Variants in CLIP1 observed in about 807,000 individuals in gnomAD.
The protein encoded by CLIP1 is CAP-Gly domain-containing linker protein 1.
A neutral mutation model predicts 161.6 loss-of-function variants in CLIP1; 66 were observed. The ratio of observed to expected loss-of-function variants is 0.41; its 90% CI spans 0.33 to 0.50. The LOEUF is 0.50. Among genes scored for constraint, CLIP1 ranks in the 20% least tolerant of loss-of-function variants. CLIP1 has a pLI of 0.27. For missense variants in CLIP1, 1,376 were observed against 1,702.0 expected (o/e 0.81, Z 3.37); for synonymous variants, 598 against 626.2 (o/e 0.96, Z 0.67).
intron 10 of CLIP1, 65 bp from the exon 11 acceptor site, chr12:122,341,762 C>CTTTTTTTTTTATTTTTTTTT (rs1952516968): frequency 1.0e-5 from 1 of 96,018 alleles, no homozygotes; most frequent in Non-Finnish European, 2.1e-5. Flanking sequence ...ATTTTCTTTT[C>CTTTTTTTTTTATTTTTTTTT]TTTTTTTTTT....
intron 3 of CLIP1, among the ~76,000 whole-genome samples, chr12:122,368,470 T>C (rs954506143): frequency 6.6e-6 from 1 of 152,148 alleles, no homozygotes; most frequent in Non-Finnish European, 1.5e-5. Context: ...CTCTGGACTC[T>C]CTCATCTCTT....
At chr12:122,401,717 G>A (rs924927832) in intron 1 of CLIP1, among the ~76,000 whole-genome samples, 19 of 150,956 alleles carry the variant, frequency 1.3e-4, no homozygotes, top group African/African-American at 2.4e-4. Context: ...GTATGATCTC[G>A]GCTGGGCATG....
At chr12:122,338,088 C>G (rs928976584) in intron 11 of CLIP1, among the ~76,000 whole-genome samples, 4 of 151,782 alleles carry the variant, frequency 2.6e-5, no homozygotes, top group African/African-American at 4.8e-5. Context: ...GTTATCCCAG[C>G]ACATTGGGAG....
Position 122,314,545 on chromosome 12 carries a change from A to G in CLIP1, c.3473+2204T>C, listed in dbSNP as rs531060724. Reference sequence around the variant, plus strand: ...AAAATGGAATTTTATCTAAACCCCAAGAACCCTCTTGGCCAGGTCCACTTG... The same window carrying G: ...AAAATGGAATTTTATCTAAACCCCAGGAACCCTCTTGGCCAGGTCCACTTG... On this transcript the variant is annotated intron_variant, in intron 19 of 25. Transcript: ENST00000620786. 2.6e-5 allele frequency among the ~76,000 whole-genome samples: 4 copies of G among 152,324 alleles called. No homozygotes were observed. The South Asian group carries it at 6.2e-4, about 24-fold the overall frequency.
At chr12:122,392,655 C>T (rs1486782075) in intron 1 of CLIP1, among the ~76,000 whole-genome samples, 1 of 152,180 alleles carries the variant, frequency 6.6e-6, no homozygotes, top group African/African-American at 2.4e-5. Context: ...ATGCCCGCTA[C>T]CACTCAGACA....
chr12:122,299,813 A>G (rs899214466), intron 20 of CLIP1, among the ~76,000 whole-genome samples: 8 of 151,766 alleles, frequency 5.3e-5, no homozygotes, highest in Non-Finnish European at 1.0e-4. Flanking sequence ...CTACTCGGGA[A>G]GCTGAGGCAG....
intron 1 of CLIP1, among the ~76,000 whole-genome samples, chr12:122,384,605 T>C (rs1955154174): frequency 6.6e-6 from 1 of 151,622 alleles, no homozygotes; most frequent in Non-Finnish European, 1.5e-5. Context: ...CTACTAAAAA[T>C]AAAAAATTAG....
chr12:122,400,600 C>T (rs191259286), intron 1 of CLIP1: 60 of 152,334 alleles, frequency 3.9e-4, no homozygotes, highest in African/African-American at 1.4e-3. Context: ...TCTCTTCCTT[C>T]TCTGGACTAC....
intron 3 of CLIP1, among the ~76,000 whole-genome samples, chr12:122,370,205 A>G: frequency 6.9e-6 from 1 of 144,918 alleles, no homozygotes. Context: ...GAAACAGCAA[A>G]GGGGCCAGTG....
rs376377938 is a variant in CLIP1 at position 122,355,086 on chromosome 12, C to T, written c.1203+29G>A. Reference sequence around the variant, plus strand: ...TCCTCAGTGGCTTTAGAAACCATCACCATCTCCGCAACAAGGTCCAGACTT... The same window carrying T: ...TCCTCAGTGGCTTTAGAAACCATCATCATCTCCGCAACAAGGTCCAGACTT... On this transcript the variant is annotated intron_variant, in intron 6 of 25. Transcript: ENST00000620786. The surrounding 1 kb of genome is among the most constrained non-coding windows in gnomAD (Gnocchi z 4.1). The T allele has an allele frequency of 2.0e-5, 32 of 1,604,932 alleles. No individual in the cohort carries two copies. The Admixed American group carries it at 2.2e-4, about 11-fold the overall frequency.
intron 20 of CLIP1, among the ~76,000 whole-genome samples, chr12:122,294,517 C>T (rs1468733823): frequency 6.6e-6 from 1 of 152,088 alleles, no homozygotes; most frequent in Non-Finnish European, 1.5e-5. Context: ...AATCTCAGCA[C>T]TCTGGGAGGC....
At chr12:122,340,619 T>C in intron 11 of CLIP1, 134 bp downstream of exon 11, 3 of 681,302 alleles carry the variant, frequency 4.4e-6, no homozygotes, top group Non-Finnish European at 7.3e-6. Context: ...TACTACACTA[T>C]ACTCAACTGG....
Position 122,299,612 on chromosome 12 carries a change from C to CAAAAAAAAAAAAAAAAAAAAA in CLIP1, c.3594+10149_3594+10150insTTTTTTTTTTTTTTTTTTTTT, listed in dbSNP as rs71082962. 1.8e-3 allele frequency among the ~76,000 whole-genome samples: 115 copies of CAAAAAAAAAAAAAAAAAAAAA among 62,500 alleles called. 21 individuals carry two copies. Among genetic ancestry groups the CAAAAAAAAAAAAAAAAAAAAA allele is most frequent in the African/African-American group, 7.2e-3 (103 of 14,328 alleles). The allele number at this position is 62,500 out of a possible 152,430, so 41.0% of individuals were successfully genotyped here. A position where few individuals can be genotyped will look rare whatever the true frequency, so the allele number is the denominator to read the frequency against. Reference sequence around the variant, plus strand: ...TTTTGTTTTTAAAGAATAAATTCAGCAAAAAAAAAAAAAAAAAAAAGATGC... The same window carrying CAAAAAAAAAAAAAAAAAAAAA: ...TTTTGTTTTTAAAGAATAAATTCAGCAAAAAAAAAAAAAAAAAAAAAAAAAAAAAAAAAAAAAAAAAGATGC... On this transcript the variant is annotated intron_variant, in intron 20 of 25. Transcript: ENST00000620786.
intron 5 of CLIP1, among the ~76,000 whole-genome samples, chr12:122,356,969 G>A (rs1020072757): frequency 2.6e-5 from 4 of 152,210 alleles, no homozygotes; most frequent in African/African-American, 9.6e-5. Context: ...GAGTGCAGTA[G>A]CGTGATCTCG....
chr12:122,421,420 T>C (rs908414027), intron 1 of CLIP1, among the ~76,000 whole-genome samples: 13 of 152,130 alleles, frequency 8.5e-5, no homozygotes, highest in African/African-American at 3.1e-4. Flanking sequence ...ACAAATCAAA[T>C]AATAAGAACA....
intron 7 of CLIP1, 63 bp downstream of exon 7, chr12:122,354,390 G>T: frequency 7.7e-7 from 1 of 1,293,076 alleles, no homozygotes; most frequent in Non-Finnish European, 1.1e-6. Flanking sequence ...GCTAGACTCT[G>T]TCTCAAAAAC....
intron 10 of CLIP1, among the ~76,000 whole-genome samples, chr12:122,345,524 CCTT>C (rs143279808): frequency 0.051 from 7,759 of 151,858 alleles, 497 homozygotes; most frequent in African/African-American, 0.16. Context: ...GCCGATAGTT[CCTT>C]CTTCTTAAAA....
rs766881695 is a variant in CLIP1, at chr12:122,341,577, C to T, written c.1627G>A (p.Asp543Asn). Residue 543 changes from aspartate to asparagine, a missense_variant, in exon 11 of 26, where the codon GAC (aspartate) becomes AAC (asparagine). Asp to Asn is a conservative substitution (Grantham distance 23). Around this residue, in one of 6 missense-constraint regions of CLIP1, gnomAD observed 948 missense variants for 1,134.8 expected, o/e 0.84. Coordinates refer to ENST00000620786, the MANE Select transcript of CLIP1 (RefSeq NM_001247997.2). ...LESNKPAGDV[D>N]MSLSLLQEIS... ...TCTTGCAAAAGGGAAAGTGACATGT[C>T]CACATCCCCAGCAGGCTTATTGGAC... 2 of 1,613,884 alleles carry T rather than the reference C, an allele frequency of 1.2e-6. No individual in the cohort carries two copies. The highest frequency in any genetic ancestry group is 1.7e-6 in the Non-Finnish European group (2 of 1,179,988).
intron 20 of CLIP1, among the ~76,000 whole-genome samples, chr12:122,308,671 T>C (rs148141696): frequency 6.6e-6 from 1 of 152,224 alleles, no homozygotes; most frequent in Non-Finnish European, 1.5e-5. Flanking sequence ...CTTAGAATTA[T>C]GGCAAGGACT....
Sources: allele counts gnomAD v4.1 joint callset (sites outside exome capture counted in the v4.1 genomes callset), GRCh38; gene constraint gnomAD v4.1.1; regional missense constraint gnomAD v4.1.1; non-coding constraint Gnocchi (gnomAD v3.1); transcripts MANE v1.5; gene names NCBI Gene and HGNC (gene_info 2026-07-23, HGNC 2026-07-21).